PRKCH: variants seen among roughly 807,000 people sequenced by gnomAD.
The protein encoded by PRKCH is protein kinase C eta.
PRKCH carries 28 observed loss-of-function variants against 82.5 expected under a neutral mutation model. The ratio of observed to expected loss-of-function variants is 0.34; its 90% CI spans 0.25 to 0.47. The LOEUF is 0.47. PRKCH is among the 20% of genes least tolerant of loss of function. The probability of loss-of-function intolerance (pLI) is 1.00; values close to 1 mark genes in which losing one functional copy is unlikely to be tolerated. For missense variants in PRKCH, 705 were observed against 881.8 expected, an observed-to-expected ratio of 0.80 and a Z score of 2.54; for synonymous variants, 322 against 327.4, an observed-to-expected ratio of 0.98 and a Z score of 0.18.
At chr14:61,188,963 A>G (rs1018483078) in intron 1 of PRKCH, among the ~76,000 whole-genome samples, 1 of 151,620 alleles carries the variant, frequency 6.6e-6, no homozygotes, top group Non-Finnish European at 1.5e-5. Context: ...CAGATGATCC[A>G]CCCGCCTCGG....
At chr14:61,323,657 C>G (rs2045660019) in intron 1 of PRKCH, among the ~76,000 whole-genome samples, 1 of 152,154 alleles carries the variant, frequency 6.6e-6, no homozygotes, top group South Asian at 2.1e-4. Flanking sequence ...GGAGCTATTC[C>G]TTTCTTTTAA....
chr14:61,500,148 G>C (rs1364887911), intron 10 of PRKCH, among the ~76,000 whole-genome samples: 2 of 151,262 alleles, frequency 1.3e-5, no homozygotes, highest in African/African-American at 4.9e-5. Context: ...TGAACTAGCA[G>C]TTGGCTAACT....
intron 2 of PRKCH, among the ~76,000 whole-genome samples, chr14:61,397,777 C>T (rs1165349602): frequency 3.3e-5 from 5 of 152,170 alleles, no homozygotes; most frequent in Non-Finnish European, 7.3e-5. Context: ...GTAATGTTTG[C>T]ATTGGTGGTA....
intron 1 of PRKCH, among the ~76,000 whole-genome samples, chr14:61,272,600 C>T (rs897328102): frequency 3.3e-5 from 5 of 152,036 alleles, no homozygotes; most frequent in Non-Finnish European, 7.4e-5. Flanking sequence ...AGGTGATCCA[C>T]CTGCCTCGGC....
chr14:61,333,915 C>T (rs554086478), intron 1 of PRKCH, among the ~76,000 whole-genome samples: 1 of 152,222 alleles, frequency 6.6e-6, no homozygotes, highest in East Asian at 1.9e-4. Flanking sequence ...CTGCCTGATC[C>T]TCTTACCCTT....
At chr14:61,378,212 C>CTTTTTA (rs1412485576) in intron 1 of PRKCH, among the ~76,000 whole-genome samples, 2 of 142,836 alleles carry the variant, frequency 1.4e-5, no homozygotes, top group African/African-American at 5.6e-5. Flanking sequence ...CTTTTTTTTT[C>CTTTTTA]TTTTTCTTTT....
chr14:61,240,408 C>T (rs1203816387), intron 1 of PRKCH, among the ~76,000 whole-genome samples: 1 of 152,112 alleles, frequency 6.6e-6, no homozygotes, highest in Non-Finnish European at 1.5e-5. Flanking sequence ...CCCACCCTAG[C>T]TTTTAATACG....
chr14:61,199,183 TTTGA>T (rs2044461435), intron 1 of PRKCH, among the ~76,000 whole-genome samples: 1 of 152,188 alleles, frequency 6.6e-6, no homozygotes, highest in African/African-American at 2.4e-5. Flanking sequence ...CATTGAATGG[TTTGA>T]TTATCAGCAA....
intron 1 of PRKCH, among the ~76,000 whole-genome samples, chr14:61,265,332 T>C (rs2045088924): frequency 6.6e-6 from 1 of 152,008 alleles, no homozygotes; most frequent in African/African-American, 2.4e-5. Context: ...AATACAAAAA[T>C]TAGCAGGGCA....
rs539910750 is a variant in PRKCH at position 61,342,348 on chromosome 14, T to G, written c.363+19884T>G. ...GTCTTTTCCTGGCTGCAGAAAAGGC[T>G]TGGAGAGGTGCCTTGGATTGTGAGT... On this transcript the variant is annotated intron_variant, in intron 1 of 13. Transcript: ENST00000332981. Among the ~76,000 whole-genome samples, 31 of 152,318 alleles carry G rather than the reference T, an allele frequency of 2.0e-4. No homozygotes were observed. The South Asian group carries it at 6.4e-3, about 32-fold the overall frequency.
At chr14:61,247,578 A>C (rs1566793584) in intron 1 of PRKCH, among the ~76,000 whole-genome samples, 1 of 151,926 alleles carries the variant, frequency 6.6e-6, no homozygotes, top group Non-Finnish European at 1.5e-5. Context: ...TCTCCTAAAA[A>C]TACAAAATTT....
intron 13 of PRKCH, among the ~76,000 whole-genome samples, chr14:61,548,441 C>T (rs1369597864): frequency 6.6e-6 from 1 of 152,236 alleles, no homozygotes; most frequent in African/African-American, 2.4e-5. Flanking sequence ...CCAAGCTCTG[C>T]AGCTGAGGCT....
intron 1 of PRKCH, chr14:61,303,071 G>C (rs2045460176): frequency 6.9e-6 from 1 of 145,482 alleles, no homozygotes; most frequent in Non-Finnish European, 1.5e-5. Flanking sequence ...GGAGTGCAGT[G>C]GCATGATCTG....
intron 1 of PRKCH, among the ~76,000 whole-genome samples, chr14:61,211,081 A>G (rs1055969788): frequency 3.3e-5 from 5 of 152,182 alleles, no homozygotes; most frequent in Non-Finnish European, 5.9e-5. Context: ...ATGAGGACAA[A>G]CTGGAACCTG....
chr14:61,501,852 C>G (rs1886923130), intron 10 of PRKCH, among the ~76,000 whole-genome samples: 1 of 152,082 alleles, frequency 6.6e-6, no homozygotes, highest in Non-Finnish European at 1.5e-5. Flanking sequence ...CTCTCAATTC[C>G]TCTTCCTCAA....
intron 1 of PRKCH, among the ~76,000 whole-genome samples, chr14:61,248,966 T>G (rs1440251549): frequency 6.6e-6 from 1 of 152,076 alleles, no homozygotes; most frequent in Non-Finnish European, 1.5e-5. Context: ...CATTCTCGGC[T>G]AATTTTTGTA....
At chr14:61,466,112 C>G (rs1466633323) in intron 9 of PRKCH, among the ~76,000 whole-genome samples, 1 of 152,134 alleles carries the variant, frequency 6.6e-6, no homozygotes, top group Admixed American at 6.5e-5. Context: ...CCTCCCCAGC[C>G]TCAAAAAAGA....
chr14:61,198,988 A>T (rs2044460221), intron 1 of PRKCH, among the ~76,000 whole-genome samples: 1 of 152,140 alleles, frequency 6.6e-6, no homozygotes, highest in African/African-American at 2.4e-5. Flanking sequence ...AGGCTGAGGG[A>T]TGGGGGAAGA....
intron 1 of PRKCH, among the ~76,000 whole-genome samples, chr14:61,233,959 C>A (rs1451726999): frequency 6.6e-6 from 1 of 152,188 alleles, no homozygotes; most frequent in Non-Finnish European, 1.5e-5. Context: ...GATACTATTT[C>A]TCTTTCTCTG....
Sources: gnomAD v4.1 joint callset for allele counts (sites outside exome capture counted in the v4.1 genomes callset) on GRCh38, gnomAD v4.1.1 for gene constraint, MANE v1.5 for transcripts, NCBI Gene and HGNC (gene_info 2026-07-23, HGNC 2026-07-21) for gene names.